The following SH3GL3 variants were observed in gnomAD, a reference collection of about 807,000 sequenced individuals.
SH3GL3 encodes the protein SH3 domain containing GRB2 like 3, endophilin A3.
In SH3GL3, 33 loss-of-function variants were observed where a neutral mutation model predicts 47.7. That is an observed-to-expected ratio of 0.69 (90% CI 0.52 to 0.92). SH3GL3 has a LOEUF of 0.92. SH3GL3 is among the 40% of genes least tolerant of loss of function. The pLI, the probability that SH3GL3 is intolerant of heterozygous loss-of-function variation, is 0.00. For synonymous variants in SH3GL3, 155 were observed against 148.8 expected (o/e 1.04, Z -0.30); for missense variants, 363 against 417.8 (o/e 0.87, Z 1.14).
At chr15:83,573,128 A>G (rs1353424355) in intron 5 of SH3GL3, among the ~76,000 whole-genome samples, 4 of 152,202 alleles carry the variant, frequency 2.6e-5, no homozygotes, top group Non-Finnish European at 5.9e-5. Context: ...TCATTTGGAA[A>G]ACTGTTAAAA....
chr15:83,580,232 G>A (rs549962000), intron 6 of SH3GL3, among the ~76,000 whole-genome samples: 13 of 152,308 alleles, frequency 8.5e-5, no homozygotes, highest in Admixed American at 5.9e-4. Context: ...ATGAGGAGCT[G>A]TGCTTCGGGA....
At chr15:83,462,962 C>G (rs182826463) in intron 1 of SH3GL3, among the ~76,000 whole-genome samples, 2 of 152,266 alleles carry the variant, frequency 1.3e-5, no homozygotes, top group East Asian at 1.9e-4. Context: ...AACCTGAATA[C>G]AGGCTGATCA....
At chr15:83,505,596 C>G (rs923705596) in intron 1 of SH3GL3, among the ~76,000 whole-genome samples, 3 of 146,558 alleles carry the variant, frequency 2.0e-5, no homozygotes, top group African/African-American at 7.6e-5. Context: ...GATGCGATCT[C>G]GGCTCACTGC....
chr15:83,501,397 TA>T (rs2042287707), intron 1 of SH3GL3, among the ~76,000 whole-genome samples: 2 of 152,202 alleles, frequency 1.3e-5, no homozygotes, highest in African/African-American at 4.8e-5. Flanking sequence ...CTTCCTGACT[TA>T]TATATTTAAA....
chr15:83,559,067 G>A (rs1217329809), intron 1 of SH3GL3, among the ~76,000 whole-genome samples, 186 bp from the exon 2 acceptor site: 1 of 152,226 alleles, frequency 6.6e-6, no homozygotes, highest in Non-Finnish European at 1.5e-5. Context: ...TTGACTGCAT[G>A]AGAAATGTAT....
intron 5 of SH3GL3, among the ~76,000 whole-genome samples, chr15:83,573,561 G>A (rs1377688220): frequency 6.6e-6 from 1 of 152,212 alleles, no homozygotes; most frequent in Admixed American, 6.5e-5. Flanking sequence ...AGAAACCACT[G>A]TTCCAGCCCA....
intron 8 of SH3GL3, among the ~76,000 whole-genome samples, chr15:83,597,303 G>A (rs1020213779): frequency 2.6e-5 from 4 of 152,018 alleles, no homozygotes; most frequent in Admixed American, 6.5e-5. Context: ...TCCTGCTTCC[G>A]CCTTATAAGG....
At chr15:83,508,893 A>T (rs2042629383) in intron 1 of SH3GL3, among the ~76,000 whole-genome samples, 1 of 152,120 alleles carries the variant, frequency 6.6e-6, no homozygotes, top group East Asian at 1.9e-4. Context: ...TGCTGGGCTT[A>T]CATTTTTAAA....
chr15:83,476,501 TTGGCCTGTGGGCCAGATA>T (rs1364277867), intron 1 of SH3GL3, among the ~76,000 whole-genome samples: 1 of 152,270 alleles, frequency 6.6e-6, no homozygotes, highest in Non-Finnish European at 1.5e-5. Context: ...TGGCAAACAT[TTGGCCTGTGGGCCAGATA>T]TGGCCCACTG....
intron 1 of SH3GL3, among the ~76,000 whole-genome samples, chr15:83,521,168 A>T (rs2043185216): frequency 6.6e-6 from 1 of 152,146 alleles, no homozygotes; most frequent in African/African-American, 2.4e-5. Context: ...TCTGCAATGG[A>T]AAGTGACATT....
chr15:83,515,723 C>T (rs1245712699), intron 1 of SH3GL3, among the ~76,000 whole-genome samples: 2 of 152,086 alleles, frequency 1.3e-5, no homozygotes, highest in Admixed American at 6.6e-5. Flanking sequence ...CTATAAACTC[C>T]AAACATTTCA....
At chr15:83,535,406 A>G (rs2043860891) in intron 1 of SH3GL3, among the ~76,000 whole-genome samples, 1 of 152,212 alleles carries the variant, frequency 6.6e-6, no homozygotes, top group African/African-American at 2.4e-5. Context: ...CTATTATACA[A>G]TCTGATCTTT....
intron 6 of SH3GL3, among the ~76,000 whole-genome samples, chr15:83,579,259 G>T (rs554339711): frequency 4.6e-5 from 7 of 152,356 alleles, no homozygotes; most frequent in African/African-American, 1.4e-4. Flanking sequence ...TGCTGGCCTT[G>T]CTCCGGCCTG....
chr15:83,456,686 A>C (rs954571510), intron 1 of SH3GL3, among the ~76,000 whole-genome samples: 185 of 143,700 alleles, frequency 1.3e-3, no homozygotes, highest in East Asian at 2.8e-3. Context: ...GTGCGCACAC[A>C]CACTGGCCTG....
chr15:83,557,845 A>G (rs1227233054), intron 1 of SH3GL3, among the ~76,000 whole-genome samples: 1 of 152,222 alleles, frequency 6.6e-6, no homozygotes, highest in Non-Finnish European at 1.5e-5. Context: ...GATAGACTCC[A>G]ACTCTAGCTC....
At chr15:83,593,271 T>C (rs1305109775) in intron 8 of SH3GL3, among the ~76,000 whole-genome samples, 1 of 152,250 alleles carries the variant, frequency 6.6e-6, no homozygotes. Flanking sequence ...GTTGAATCTA[T>C]AACTCAATTT....
chr15:83,555,341 C>A (rs1306456985), intron 1 of SH3GL3, among the ~76,000 whole-genome samples: 5 of 151,954 alleles, frequency 3.3e-5, no homozygotes, highest in Non-Finnish European at 7.4e-5. Context: ...TTCATAAAAC[C>A]GTTTTCTCTA....
intron 1 of SH3GL3, among the ~76,000 whole-genome samples, chr15:83,543,666 G>A (rs781612823): frequency 6.6e-6 from 1 of 151,912 alleles, no homozygotes; most frequent in Admixed American, 6.6e-5. Flanking sequence ...TATTTCAAAC[G>A]AGATCAAATG....
intron 1 of SH3GL3, among the ~76,000 whole-genome samples, chr15:83,459,206 G>A (rs2040151325): frequency 1.3e-5 from 2 of 152,234 alleles, no homozygotes; most frequent in Non-Finnish European, 2.9e-5. Context: ...GTTTATTCTA[G>A]CTGCGCTGTC....
Sources: allele counts gnomAD v4.1 joint callset (sites outside exome capture counted in the v4.1 genomes callset), GRCh38; gene constraint gnomAD v4.1.1; transcripts MANE v1.5; gene names NCBI Gene and HGNC (gene_info 2026-07-23, HGNC 2026-07-21).